The following ASTN2 variants were observed in gnomAD, a reference collection of about 807,000 sequenced individuals.
The protein encoded by ASTN2 is astrotactin 2.
ASTN2 carries 54 observed loss-of-function variants against 139.8 expected under a neutral mutation model. The ratio of observed to expected loss-of-function variants is 0.39; its 90% confidence interval spans 0.31 to 0.48. The LOEUF (loss-of-function observed/expected upper bound fraction) is 0.48. Ranked by LOEUF, ASTN2 falls within the 20% of genes least tolerant of loss-of-function variation. ASTN2 has a pLI of 0.95. For synonymous variants in ASTN2, 756 were observed against 719.5 expected (o/e 1.05, Z -0.81); for missense variants, 1,565 against 1,725.1 (o/e 0.91, Z 1.64).
intron 10 of ASTN2, among the ~76,000 whole-genome samples, chr9:116,904,956 C>A (rs1834115143): frequency 6.6e-6 from 1 of 152,128 alleles, no homozygotes; most frequent in Non-Finnish European, 1.5e-5. Flanking sequence ...CTCCGCACCC[C>A]CAACTCTCCT....
chr9:116,970,216 C>A (rs1350631501), intron 10 of ASTN2, among the ~76,000 whole-genome samples: 2 of 152,132 alleles, frequency 1.3e-5, no homozygotes, highest in African/African-American at 4.8e-5. Flanking sequence ...GCAAAGACCC[C>A]TTTTCCAAAT....
At chr9:117,013,764 A>T (rs1412192527) in intron 6 of ASTN2, among the ~76,000 whole-genome samples, 3 of 152,128 alleles carry the variant, frequency 2.0e-5, no homozygotes, top group Non-Finnish European at 2.9e-5. Flanking sequence ...CCACCAAAGA[A>T]ACAGAAGGCT....
intron 6 of ASTN2, among the ~76,000 whole-genome samples, chr9:117,027,691 A>C (rs1838127705): frequency 6.6e-6 from 1 of 152,182 alleles, no homozygotes; most frequent in African/African-American, 2.4e-5. Flanking sequence ...AAAAGACTCC[A>C]AGCTTCCCTG....
chr9:116,469,352 G>T (rs1848743799), intron 20 of ASTN2, among the ~76,000 whole-genome samples: 1 of 151,922 alleles, frequency 6.6e-6, no homozygotes, highest in Non-Finnish European at 1.5e-5. Flanking sequence ...CATAGAACCA[G>T]TTCACCAATT....
At chr9:116,517,653 C>A (rs1041554147) in intron 19 of ASTN2, among the ~76,000 whole-genome samples, 2 of 152,154 alleles carry the variant, frequency 1.3e-5, no homozygotes, top group Admixed American at 1.3e-4. Context: ...CAAACTAAGA[C>A]AACATTTCTG....
At chr9:116,524,646 A>G (rs1481135912) in intron 19 of ASTN2, among the ~76,000 whole-genome samples, 1 of 152,152 alleles carries the variant, frequency 6.6e-6, no homozygotes, top group Non-Finnish European at 1.5e-5. Flanking sequence ...GTGAACTGAA[A>G]TGTTGGCAGA....
chr9:117,204,982 T>C (rs1564477182), intron 3 of ASTN2, among the ~76,000 whole-genome samples: 1 of 152,164 alleles, frequency 6.6e-6, no homozygotes, highest in African/African-American at 2.4e-5. Flanking sequence ...TTGTCTGACC[T>C]TCACTGGGCA....
chr9:116,733,266 C>G (rs907281890), intron 14 of ASTN2, 133 bp downstream of exon 14: 3 of 1,286,314 alleles, frequency 2.3e-6, no homozygotes, highest in Non-Finnish European at 3.3e-6. Flanking sequence ...TAAGTTCCTT[C>G]CCATACCCTT....
chr9:117,051,916 C>T (rs928053102), intron 5 of ASTN2, among the ~76,000 whole-genome samples: 48 of 152,012 alleles, frequency 3.2e-4, no homozygotes, highest in African/African-American at 1.2e-3. Context: ...CCAATACCTC[C>T]TGGAAAAAAG....
chr9:116,815,163 T>A (rs767962791), intron 12 of ASTN2, among the ~76,000 whole-genome samples: 5 of 152,188 alleles, frequency 3.3e-5, no homozygotes, highest in African/African-American at 4.8e-5. Flanking sequence ...TGAAGGCCAT[T>A]GTCTCTGTTC....
chr9:117,006,123 C>CTTCTTTTTT (rs1837347051), intron 7 of ASTN2, among the ~76,000 whole-genome samples: 1 of 152,120 alleles, frequency 6.6e-6, no homozygotes, highest in Non-Finnish European at 1.5e-5. Flanking sequence ...AGAAGTATCC[C>CTTCTTTTTT]ATGAAGGGCA....
chr9:116,634,024 C>T (rs1276217615), intron 17 of ASTN2, among the ~76,000 whole-genome samples: 1 of 152,128 alleles, frequency 6.6e-6, no homozygotes, highest in Non-Finnish European at 1.5e-5. Context: ...AGGTTAGGAG[C>T]ATGGTCACTG....
chr9:116,959,112 G>A (rs1253452826), intron 10 of ASTN2, among the ~76,000 whole-genome samples: 1 of 152,182 alleles, frequency 6.6e-6, no homozygotes, highest in Non-Finnish European at 1.5e-5. Flanking sequence ...GAAGCACTGT[G>A]TGGAGAGGGT....
intron 1 of ASTN2, among the ~76,000 whole-genome samples, chr9:117,381,274 C>A (rs1830262974): frequency 6.6e-6 from 1 of 152,062 alleles, no homozygotes; most frequent in South Asian, 2.1e-4. Context: ...CTTTGGAGGT[C>A]ATGAAATGGT....
chr9:117,065,081 A>T (rs937668534), intron 5 of ASTN2, among the ~76,000 whole-genome samples: 2 of 152,134 alleles, frequency 1.3e-5, no homozygotes, highest in Non-Finnish European at 2.9e-5. Context: ...ACAGAGGAGG[A>T]TGTGAGGAAA....
intron 10 of ASTN2, among the ~76,000 whole-genome samples, chr9:116,934,509 C>G (rs1011051980): frequency 1.3e-5 from 2 of 152,088 alleles, no homozygotes; most frequent in Non-Finnish European, 2.9e-5. Context: ...CAAACTAACA[C>G]AGGAACAGAA....
At chr9:117,175,744 T>A (rs867936517) in intron 3 of ASTN2, among the ~76,000 whole-genome samples, 167 of 152,268 alleles carry the variant, frequency 1.1e-3, no homozygotes, top group African/African-American at 3.8e-3. Flanking sequence ...CTGAAATGTT[T>A]ACAAGCAAAA....
intron 3 of ASTN2, among the ~76,000 whole-genome samples, chr9:117,143,366 C>T (rs1253772226): frequency 1.3e-5 from 2 of 152,166 alleles, no homozygotes; most frequent in African/African-American, 4.8e-5. Context: ...GAAGCAATGT[C>T]ATGCCAAGTT....
In ASTN2 at chr9:117,318,559, G is replaced by A. The variant is rs147041791; in HGVS notation, c.443-27046C>T. 4.9e-3 allele frequency among the ~76,000 whole-genome samples: 749 copies of A among 152,178 alleles called. 7 individuals are homozygous for A. Among genetic ancestry groups the A allele is most frequent in the African/African-American group, 0.017 (709 of 41,514 alleles). ...CAGGGAGGCCAGGAATTTCAACATC[G>A]AGGTTAATTTAGTCATGCTGTACAC... On this transcript the variant is annotated intron_variant, in intron 1 of 22. Coordinates refer to ENST00000313400, the MANE Select transcript of ASTN2 (RefSeq NM_001365068.1).
Sources: allele counts gnomAD v4.1 joint callset (sites outside exome capture counted in the v4.1 genomes callset), GRCh38; gene constraint gnomAD v4.1.1; transcripts MANE v1.5; gene names NCBI Gene and HGNC (gene_info 2026-07-23, HGNC 2026-07-21).